Variants in BIRC5 observed in about 807,000 individuals in gnomAD.
BIRC5 encodes baculoviral IAP repeat-containing protein 5.
A neutral mutation model predicts 15.8 loss-of-function variants in BIRC5; 8 were observed. That is an observed-to-expected ratio of 0.51 (90% confidence interval 0.30 to 0.91). The LOEUF (loss-of-function observed/expected upper bound fraction) is 0.91, where lower values mean the gene tolerates loss of function less well. Ranked by LOEUF, BIRC5 falls within the 40% of genes least tolerant of loss-of-function variation. BIRC5 has a pLI of 0.07. For missense variants in BIRC5, 163 were observed against 178.6 expected, an observed-to-expected ratio of 0.91 and a Z score of 0.50; for synonymous variants, 56 against 64.5, an observed-to-expected ratio of 0.87 and a Z score of 0.63.
chr17:78,222,423 T>C (rs1269387197), intron 3 of BIRC5, among the ~76,000 whole-genome samples: 2 of 152,116 alleles, frequency 1.3e-5, no homozygotes, highest in Admixed American at 6.5e-5. Context: ...TCCCAGCACT[T>C]TGGGAGGCCG....
intron 3 of BIRC5, among the ~76,000 whole-genome samples, chr17:78,220,753 A>G (rs1004373749): frequency 6.6e-6 from 1 of 151,986 alleles, no homozygotes; most frequent in African/African-American, 2.4e-5. Context: ...ACGGGGTCTT[A>G]CTCTGTCACC....
chr17:78,217,053 T>C (rs991753868), intron 3 of BIRC5, among the ~76,000 whole-genome samples: 2 of 151,960 alleles, frequency 1.3e-5, no homozygotes, highest in African/African-American at 4.8e-5. Context: ...CTAATTTTTG[T>C]ATTTTTAGTA....
In BIRC5 at chr17:78,223,581, C is replaced by T. The variant is rs1310191201; in HGVS notation, c.*27C>T. 1 of 1,613,586 alleles carries T rather than the reference C, an allele frequency of 6.2e-7. No homozygotes were observed. The highest frequency in any genetic ancestry group is 8.5e-7 in the Non-Finnish European group (1 of 1,179,706). ...GCCTCTGGCCGGAGCTGCCTGGTCC[C>T]AGAGTGGCTGCACCACTTCCAGGGT... On this transcript the variant is annotated 3_prime_UTR_variant, in exon 4 of 4. Transcript: ENST00000350051.
chr17:78,216,248 C>CAA (rs55850455), intron 2 of BIRC5: 41 of 89,982 alleles, frequency 4.6e-4, no homozygotes, highest in African/African-American at 1.0e-3. Context: ...GACTCCGTCT[C>CAA]AAAAAAAAAA....
chr17:78,216,755 G>A lies in BIRC5; in HGVS notation c.313G>A (p.Asp105Asn), dbSNP rs2076481067. The part of the protein sequence containing the change: ...ELTLGEFLKL[D>N]RERAKNKIAK... The stretch of plus-strand genomic sequence containing the variant: ...AACCCTTGGTGAATTTTTGAAACTG[G>A]ACAGAGAAAGAGCCAAGAACAAAAT... The change falls in exon 3 of 4, where the codon GAC becomes AAC. Residue 105 changes from aspartate (D) to asparagine (N), a missense_variant. Physicochemically the swap from Asp to Asn is conservative, Grantham distance 23. Transcript: ENST00000350051. 6.2e-7 allele frequency: 1 copy of A among 1,613,728 alleles called. No homozygotes were observed. Among genetic ancestry groups the A allele is most frequent in the Non-Finnish European group, 8.5e-7 (1 of 1,179,920 alleles).
Position 78,214,347 on chromosome 17 carries a change from C to G in BIRC5, c.31C>G (p.Gln11Glu). ...TGCCCCGACGTTGCCCCCTGCCTGG[C>G]AGCCCTTTCTCAAGGACCACCGCAT... MGAPTLPPAW[Q>E]PFLKDHRIST... Residue 11 changes from glutamine (Q) to glutamate (E), a missense_variant, in exon 1 of 4, where the codon CAG becomes GAG. Transcript: ENST00000350051. 6.2e-7 allele frequency: 1 copy of G among 1,608,710 alleles called. No homozygotes were observed. Among genetic ancestry groups the G allele is most frequent in the Non-Finnish European group, 8.5e-7 (1 of 1,177,946 alleles).
At chr17:78,216,467 G>C (rs1055839921) in intron 2 of BIRC5, 197 bp from the exon 3 acceptor site, 1 of 541,408 alleles carries the variant, frequency 1.8e-6, no homozygotes. Flanking sequence ...TCCACAGGGA[G>C]AGAGAAGGTG....
chr17:78,217,525 C>T lies in BIRC5; in HGVS notation c.339+744C>T, dbSNP rs139580802. Among the ~76,000 whole-genome samples, 1,324 of 150,740 alleles carry T rather than the reference C, an allele frequency of 8.8e-3. 8 individuals are homozygous for T. Among genetic ancestry groups the T allele is most frequent in the Middle Eastern group, 0.039 (11 of 284 alleles). Reference sequence around the variant, plus strand: ...TTTATTTATTTATTTGAGATGGAGTCTTGCTCTGTCGCCCAGGCTAGAGTG... The same window carrying T: ...TTTATTTATTTATTTGAGATGGAGTTTTGCTCTGTCGCCCAGGCTAGAGTG... On this transcript the variant is annotated intron_variant, in intron 3 of 3. Coordinates refer to ENST00000350051, the MANE Select transcript of BIRC5 (RefSeq NM_001168.3).
At chr17:78,218,889 G>A (rs902268395) in intron 3 of BIRC5, among the ~76,000 whole-genome samples, 8 of 152,100 alleles carry the variant, frequency 5.3e-5, no homozygotes, top group African/African-American at 1.9e-4. Flanking sequence ...TTACAGGTGT[G>A]ATCTACTGCA....
chr17:78,214,937 GCTGGTGCCTTGGT>G lies in BIRC5; in HGVS notation c.221+149_221+161del, dbSNP rs2076467137. The G allele has an allele frequency of 4.1e-6, 3 of 727,342 alleles. No individual in the cohort carries two copies. In the Admixed American group the frequency reaches 7.1e-5, roughly 17 times the overall value. The allele number at this position is 727,342 out of a possible 1,614,324, so 45.1% of individuals were successfully genotyped here. A position where few individuals can be genotyped will look rare whatever the true frequency, so the allele number is the denominator to read the frequency against. On this transcript the variant is annotated intron_variant, in intron 2 of 3. Transcript: ENST00000350051. Reference sequence around the variant, plus strand: ...GTTGTGAACGGATACCTCTCTATATGCTGGTGCCTTGGTGATGCTTACAACCTAATTAAATCTC... The same window carrying G: ...GTTGTGAACGGATACCTCTCTATATGGATGCTTACAACCTAATTAAATCTC...
In BIRC5 at chr17:78,225,556, CTG is replaced by C. The variant is rs1167667561; in HGVS notation, c.*2003_*2004del. On this transcript the variant is annotated 3_prime_UTR_variant, in exon 4 of 4. Coordinates refer to ENST00000350051, the MANE Select transcript of BIRC5 (RefSeq NM_001168.3). Reference sequence around the variant, plus strand: ...GCCCAGAAGAGACCAGCAAGCCAAACTGGAGCCCCCATTGCAGGCTGTCGCCA... The same window carrying C: ...GCCCAGAAGAGACCAGCAAGCCAAACGAGCCCCCATTGCAGGCTGTCGCCA... 1 of 152,272 alleles carries C rather than the reference CTG, an allele frequency of 6.6e-6. No homozygotes were observed. Among genetic ancestry groups the C allele is most frequent in the Non-Finnish European group, 1.5e-5 (1 of 68,054 alleles). 9.4% of individuals were successfully genotyped at this position (152,272 alleles called of 1,614,324 possible).
rs143458850 is a variant in BIRC5 at position 78,215,928 on chromosome 17, G to A, written c.222-736G>A. The A allele has an allele frequency of 8.0e-4, 849 of 1,065,946 alleles. 5 individuals carry two copies. The African/African-American group carries it at 0.013, about 16-fold the overall frequency. The allele number at this position is 1,065,946 out of a possible 1,614,324, so 66.0% of individuals were successfully genotyped here. On this transcript the variant is annotated intron_variant, in intron 2 of 3. Transcript: ENST00000350051. ...AGCTAGGGGGTCCCTTGGGGAACCCGGGGCAATAATGCCCTTCTCTGCCCT... is the reference window on the plus strand; with the variant it reads ...AGCTAGGGGGTCCCTTGGGGAACCCAGGGCAATAATGCCCTTCTCTGCCCT...
intron 2 of BIRC5, among the ~76,000 whole-genome samples, chr17:78,215,429 T>C (rs1411955348): frequency 6.6e-6 from 1 of 150,788 alleles, no homozygotes; most frequent in Non-Finnish European, 1.5e-5. Flanking sequence ...AAATAAAAAA[T>C]TGAAAAAAAA....
chr17:78,219,959 A>G (rs2076504129), intron 3 of BIRC5, among the ~76,000 whole-genome samples: 1 of 152,192 alleles, frequency 6.6e-6, no homozygotes, highest in Admixed American at 6.5e-5. Context: ...GCGCTGAGAA[A>G]GACAGAGGGT....
chr17:78,222,827 G>GA (rs2145901072), intron 3 of BIRC5: 2 of 1,536,064 alleles, frequency 1.3e-6, no homozygotes, highest in Non-Finnish European at 1.7e-6. Flanking sequence ...TTGCCCCTTA[G>GA]GAGAGAGCTC....
At position 78,223,685 on chromosome 17, in the gene BIRC5, A is replaced by T. The variant is rs1383978350; in HGVS notation, c.*131A>T. ...AAGGAGATCAACATTTTCAAATTAG[A>T]TGTTTCAACTGTGCTCTTGTTTTGT... On this transcript the variant is annotated 3_prime_UTR_variant, in exon 4 of 4. Coordinates refer to ENST00000350051, the MANE Select transcript of BIRC5 (RefSeq NM_001168.3). The T allele has an allele frequency of 2.7e-5, 41 of 1,504,812 alleles. No individual in the cohort carries two copies. The highest frequency in any genetic ancestry group is 3.6e-5 in the Non-Finnish European group (40 of 1,122,182). 93.2% of individuals were successfully genotyped at this position (1,504,812 alleles called of 1,614,324 possible).
At chr17:78,222,954 G>C (rs1477990068) in intron 3 of BIRC5, 1 of 1,525,360 alleles carries the variant, frequency 6.6e-7, no homozygotes, top group Admixed American at 2.0e-5. Flanking sequence ...ACATGAAGAG[G>C]AAGGCTCTGG....
intron 1 of BIRC5, 67 bp from the exon 2 acceptor site, chr17:78,214,613 C>T: frequency 6.9e-7 from 1 of 1,449,486 alleles, no homozygotes. Flanking sequence ...CCCATCGAGG[C>T]CTTTGTGGCT....
chr17:78,216,022 G>T, intron 2 of BIRC5: 2 of 1,015,102 alleles, frequency 2.0e-6, no homozygotes, highest in Non-Finnish European at 2.4e-6. Context: ...GGCCGAGGCG[G>T]GCGGATCACG....
Sources: gnomAD v4.1 joint callset for allele counts (sites outside exome capture counted in the v4.1 genomes callset) on GRCh38, gnomAD v4.1.1 for gene constraint, MANE v1.5 for transcripts, NCBI Gene and HGNC (gene_info 2026-07-23, HGNC 2026-07-21) for gene names.